RRP8: variants seen among roughly 807,000 people sequenced by gnomAD.
RRP8 encodes the protein ribosomal RNA processing 8, also known as ribosomal RNA-processing protein 8.
Under a neutral mutation model 45.0 loss-of-function variants are expected in RRP8, and 48 were observed. That is an observed-to-expected ratio of 1.07 (90% CI 0.85 to 1.36). The LOEUF (loss-of-function observed/expected upper bound fraction) is 1.36, where lower values mean the gene tolerates loss of function less well. Ranked by LOEUF, RRP8 falls within the 40% of genes most tolerant of loss-of-function variation. The pLI is 0.00. For synonymous variants in RRP8, 274 were observed against 212.4 expected, an observed-to-expected ratio of 1.29 and a Z score of -2.52; for missense variants, 658 against 573.7, an observed-to-expected ratio of 1.15 and a Z score of -1.50.
chr11:6,603,127 C>G (rs1225731272), intron 1 of RRP8, among the ~76,000 whole-genome samples: 5 of 152,212 alleles, frequency 3.3e-5, no homozygotes, highest in African/African-American at 1.2e-4. Context: ...ACAAGGACCA[C>G]TTGTGTTTGT....
chr11:6,602,202 C>T lies in RRP8; in HGVS notation c.113G>A (p.Arg38His), dbSNP rs758749897. The change falls in exon 2 of 7, where the codon CGC becomes CAC. Residue 38 changes from arginine (R) to histidine (H), a missense_variant. Transcript: ENST00000254605. ...GGCCCGTAATGTGGCCAAGAGCTGGCGGCGCTTGGAGCCCTGGAGGAAAAC... is the reference window on the plus strand; with the variant it reads ...GGCCCGTAATGTGGCCAAGAGCTGGTGGCGCTTGGAGCCCTGGAGGAAAAC... ...ASSQNKGSKR[R>H]QLLATLRALE... The T allele has an allele frequency of 1.5e-5, 24 of 1,559,114 alleles. No individual in the cohort carries two copies. Among genetic ancestry groups the T allele is most frequent in the East Asian group, 9.0e-5 (4 of 44,448 alleles).
chr11:6,599,018 C>T lies in RRP8; in HGVS notation c.*1128G>A, dbSNP rs1854281094. ...TTCCGCCAATGAACAGCCCAATGCC[C>T]CCAAGCCCACATGGCATCAACAAGT... On this transcript the variant is annotated 3_prime_UTR_variant, in exon 7 of 7. Coordinates refer to ENST00000254605, the MANE Select transcript of RRP8 (RefSeq NM_015324.4). 1 of 152,316 alleles carries T rather than the reference C, an allele frequency of 6.6e-6. No homozygotes were observed. The highest frequency in any genetic ancestry group is 2.1e-4 in the South Asian group (1 of 4,834). 9.4% of individuals were successfully genotyped at this position (152,316 alleles called of 1,614,324 possible). A position where few individuals can be genotyped will look rare whatever the true frequency, so the allele number is the denominator to read the frequency against.
rs7951473 is a variant in RRP8 at position 6,597,204 on chromosome 11, G to C, written c.*2942C>G. On this transcript the variant is annotated 3_prime_UTR_variant, in exon 7 of 7. Coordinates refer to ENST00000254605, the MANE Select transcript of RRP8 (RefSeq NM_015324.4). ...GAGTGATTGGTATGCTCTTCCCTCTGCTCGGCTCCTCTCTACCTAATCACT... is the reference window on the plus strand; with the variant it reads ...GAGTGATTGGTATGCTCTTCCCTCTCCTCGGCTCCTCTCTACCTAATCACT... 148,851 of 152,268 alleles carry C rather than the reference G, an allele frequency of 0.98. 72,857 individuals carry two copies. The highest frequency in any genetic ancestry group is 1 in the Middle Eastern group (294 of 294). The allele number at this position is 152,268 out of a possible 1,614,324, so 9.4% of individuals were successfully genotyped here. A position where few individuals can be genotyped will look rare whatever the true frequency, so the allele number is the denominator to read the frequency against.
chr11:6,602,217 T>C lies in RRP8; in HGVS notation c.100-2A>G, dbSNP rs770689994. 1.9e-6 allele frequency: 3 copies of C among 1,543,872 alleles called. No homozygotes were observed. The highest frequency in any genetic ancestry group is 2.8e-5 in the African/African-American group (2 of 72,360). On this transcript the variant is annotated splice_acceptor_variant, in intron 1 of 6. Transcript: ENST00000254605. LOFTEE classifies it high-confidence loss of function. ...CAAGAGCTGGCGGCGCTTGGAGCCCTGGAGGAAAACAGGGGATGACAGTGG... is the reference window on the plus strand; with the variant it reads ...CAAGAGCTGGCGGCGCTTGGAGCCCCGGAGGAAAACAGGGGATGACAGTGG...
chr11:6,602,247 A>G lies in RRP8; in HGVS notation c.100-32T>C, dbSNP rs201408319. On this transcript the variant is annotated intron_variant, in intron 1 of 6. Coordinates refer to ENST00000254605, the MANE Select transcript of RRP8 (RefSeq NM_015324.4). ...GAAAACAGGGGATGACAGTGGGCCTAAAGAGAATGGATGAGGCCTGGAGAA... is the reference window on the plus strand; with the variant it reads ...GAAAACAGGGGATGACAGTGGGCCTGAAGAGAATGGATGAGGCCTGGAGAA... 3.3e-6 allele frequency: 5 copies of G among 1,518,602 alleles called. No individual in the cohort carries two copies. The East Asian group carries it at 9.0e-5, about 27-fold the overall frequency. 94.1% of individuals were successfully genotyped at this position (1,518,602 alleles called of 1,614,324 possible).
chr11:6,603,165 C>G (rs961509617), intron 1 of RRP8, among the ~76,000 whole-genome samples: 1 of 152,204 alleles, frequency 6.6e-6, no homozygotes, highest in East Asian at 1.9e-4. Context: ...CTCTCTTGTC[C>G]CAGGGCCCTT....
Position 6,600,105 on chromosome 11 carries a change from G to C in RRP8, c.*41C>G. The C allele has an allele frequency of 7.6e-7, 1 of 1,315,578 alleles. No homozygotes were observed. The highest frequency in any genetic ancestry group is 1.4e-5 in the South Asian group (1 of 70,104). The allele number at this position is 1,315,578 out of a possible 1,614,324, so 81.5% of individuals were successfully genotyped here. ...AACAGTCTTCACAGTTCTGAGCCTG[G>C]AGTTTGAGATCTGCCTCCCCTTTCA... On this transcript the variant is annotated 3_prime_UTR_variant, in exon 7 of 7. Coordinates refer to ENST00000254605, the MANE Select transcript of RRP8 (RefSeq NM_015324.4).
rs547538328 is a variant in RRP8 at position 6,595,705 on chromosome 11, G to T, written c.*4441C>A. On this transcript the variant is annotated 3_prime_UTR_variant, in exon 7 of 7. Transcript: ENST00000254605. ...AAAAGAAAGTGTTGACTGGCATCTG[G>T]CAAGATAATTAAATATCTGAAACAC... The T allele has an allele frequency of 6.6e-6, 1 of 152,278 alleles. No homozygotes were observed. Among genetic ancestry groups the T allele is most frequent in the East Asian group, 1.9e-4 (1 of 5,188 alleles). 9.4% of individuals were successfully genotyped at this position (152,278 alleles called of 1,614,324 possible).
chr11:6,597,779 T>TG lies in RRP8; in HGVS notation c.*2366_*2367insC, dbSNP rs1238865287. The TG allele has an allele frequency of 6.6e-6, 1 of 151,482 alleles. No individual in the cohort carries two copies. Among genetic ancestry groups the TG allele is most frequent in the Non-Finnish European group, 1.5e-5 (1 of 67,986 alleles). The allele number at this position is 151,482 out of a possible 1,614,324, so 9.4% of individuals were successfully genotyped here. ...GGTGGCATGTGCCTGTATTCCCAGC[T>TG]ACTCGGGAGTCTGAGGCAGGAGAAG... is the stretch of plus-strand genomic sequence containing the variant. On this transcript the variant is annotated 3_prime_UTR_variant, in exon 7 of 7. Coordinates refer to ENST00000254605, the MANE Select transcript of RRP8 (RefSeq NM_015324.4).
Position 6,597,658 on chromosome 11 carries a change from A to C in RRP8, c.*2488T>G, listed in dbSNP as rs1854252513. On this transcript the variant is annotated 3_prime_UTR_variant, in exon 7 of 7. Coordinates refer to ENST00000254605, the MANE Select transcript of RRP8 (RefSeq NM_015324.4). ...GTAATCCCAGCACTTTGGGAGGCCG[A>C]GGCAGGCCGATCACTCGAGGTCAGG... 6.6e-6 allele frequency: 1 copy of C among 150,910 alleles called. No individual in the cohort carries two copies. The highest frequency in any genetic ancestry group is 6.6e-5 in the Admixed American group (1 of 15,158). 9.3% of individuals were successfully genotyped at this position (150,910 alleles called of 1,614,324 possible).
chr11:6,600,403 C>A, intron 6 of RRP8, 83 bp downstream of exon 6: 1 of 1,416,944 alleles, frequency 7.1e-7, no homozygotes, highest in Non-Finnish European at 9.8e-7. Flanking sequence ...TGTTCCTGTG[C>A]CTAAAGCCTC....
rs759911995 is a variant in RRP8 at position 6,600,145 on chromosome 11, G to A, written c.*1C>T. ...CTCCCCTTTCAAGGAAGATCCAGAG[G>A]TCACCTGCGCTTGTAGAGACATGGC... On this transcript the variant is annotated 3_prime_UTR_variant, in exon 7 of 7. Coordinates refer to ENST00000254605, the MANE Select transcript of RRP8 (RefSeq NM_015324.4). The A allele has an allele frequency of 1.4e-5, 22 of 1,569,294 alleles. No individual in the cohort carries two copies. The South Asian group carries it at 2.3e-4, about 17-fold the overall frequency.
chr11:6,597,592 A>AAAAAC lies in RRP8; in HGVS notation c.*2553_*2554insGTTTT, dbSNP rs1419938438. On this transcript the variant is annotated 3_prime_UTR_variant, in exon 7 of 7. Coordinates refer to ENST00000254605, the MANE Select transcript of RRP8 (RefSeq NM_015324.4). ...ACCTGCCCATCCTCCCATAAAAAAAAAAAAAAAAAAAACACTGGCTGGGCA... is the reference window on the plus strand; with the variant it reads ...ACCTGCCCATCCTCCCATAAAAAAAAAAAACAAAAAAAAAAAACACTGGCTGGGCA... 1 of 151,278 alleles carries AAAAAC rather than the reference A, an allele frequency of 6.6e-6. No homozygotes were observed. Among genetic ancestry groups the AAAAAC allele is most frequent in the African/African-American group, 2.4e-5 (1 of 41,090 alleles). The allele number at this position is 151,278 out of a possible 1,614,324, so 9.4% of individuals were successfully genotyped here. A position where few individuals can be genotyped will look rare whatever the true frequency, so the allele number is the denominator to read the frequency against.
chr11:6,601,900 G>A lies in RRP8; in HGVS notation c.415C>T (p.His139Tyr). Reference protein sequence around the residue: ...DEKRKRKCQKHAPINSAQHLD... With the variant: ...DEKRKRKCQKYAPINSAQHLD... ...TGCTGGGCTGAATTTATAGGGGCATGTTTCTGGCATTTCCTCTTTCTTTTC... is the reference window on the plus strand; with the variant it reads ...TGCTGGGCTGAATTTATAGGGGCATATTTCTGGCATTTCCTCTTTCTTTTC... Residue 139 changes from histidine to tyrosine, a missense_variant, in exon 2 of 7, where the codon CAT becomes TAT. Coordinates refer to ENST00000254605, the MANE Select transcript of RRP8 (RefSeq NM_015324.4). The A allele has an allele frequency of 6.2e-7, 1 of 1,614,148 alleles. No individual in the cohort carries two copies. Among genetic ancestry groups the A allele is most frequent in the African/African-American group, 1.3e-5 (1 of 75,034 alleles).
In RRP8 at chr11:6,601,182, G is replaced by A. The variant is rs752630159; in HGVS notation, c.884C>T (p.Pro295Leu). ...AAGATCCCTGGCGATGCGGTCCACT[G>A]GCTGCAGTGGCCACTTCTTCACTTG... ...QSQVKKWPLQ[P>L]VDRIARDLRQ... is the part of the protein sequence containing the mutation. Residue 295 changes from proline (P) to leucine (L), a missense_variant, in exon 3 of 7, where the codon CCA (proline) becomes CTA (leucine). Pro to Leu is a moderately conservative substitution (Grantham distance 98). Coordinates refer to ENST00000254605, the MANE Select transcript of RRP8 (RefSeq NM_015324.4). 1 of 1,613,922 alleles carries A rather than the reference G, an allele frequency of 6.2e-7. No individual in the cohort carries two copies.
intron 1 of RRP8, 91 bp from the exon 2 acceptor site, chr11:6,602,306 G>A (rs1191575684): frequency 7.2e-7 from 1 of 1,390,928 alleles, no homozygotes; most frequent in African/African-American, 1.4e-5. Context: ...GATTCAGACT[G>A]GCAGAAGCAT....
rs1854362742 is a variant in RRP8 at position 6,601,527 on chromosome 11, G to A, written c.539C>T (p.Pro180Leu). 1.2e-6 allele frequency: 2 copies of A among 1,609,948 alleles called. No homozygotes were observed. Among genetic ancestry groups the A allele is most frequent in the Non-Finnish European group, 8.5e-7 (1 of 1,180,006 alleles). ...QSPGSTSPKP[P>L]HTLSRKQWRN... Reference sequence around the variant, plus strand: ...CCACTGCTTGCGGCTTAATGTATGAGGGGGTTTAGGGGAAGTGGACCCAGG... The same window carrying A: ...CCACTGCTTGCGGCTTAATGTATGAAGGGGTTTAGGGGAAGTGGACCCAGG... The change falls in exon 3 of 7, where the codon CCT becomes CTT. Residue 180 changes from proline (P) to leucine (L), a missense_variant. By Grantham distance (98) the Pro-to-Leu change is moderately conservative (BLOSUM62 -3). Transcript: ENST00000254605.
At chr11:6,602,498 G>C (rs1044339112) in intron 1 of RRP8, among the ~76,000 whole-genome samples, 2 of 152,194 alleles carry the variant, frequency 1.3e-5, no homozygotes, top group Admixed American at 1.3e-4. Context: ...CAAGGCCAGA[G>C]ACCAGGAATT....
rs1201849078 is a variant in RRP8 at position 6,598,925 on chromosome 11, C to T, written c.*1221G>A. 6.6e-6 allele frequency: 1 copy of T among 152,316 alleles called. No homozygotes were observed. The highest frequency in any genetic ancestry group is 1.9e-4 in the East Asian group (1 of 5,202). The allele number at this position is 152,316 out of a possible 1,614,324, so 9.4% of individuals were successfully genotyped here. ...ATTCAAACTCACCTTCCCTCAGCAC[C>T]TTGCCTATAGCTTTCCCAGGACATG... On this transcript the variant is annotated 3_prime_UTR_variant, in exon 7 of 7. Coordinates refer to ENST00000254605, the MANE Select transcript of RRP8 (RefSeq NM_015324.4).
Sources: allele counts gnomAD v4.1 joint callset (sites outside exome capture counted in the v4.1 genomes callset), GRCh38; gene constraint gnomAD v4.1.1; transcripts MANE v1.5; gene names NCBI Gene and HGNC (gene_info 2026-07-23, HGNC 2026-07-21).